PUDP: variants seen among roughly 807,000 people sequenced by gnomAD.
The protein encoded by PUDP is pseudouridine 5'-phosphatase, also known as pseudouridine-5'-phosphatase.
In PUDP, 8 loss-of-function variants were observed where a neutral mutation model predicts 9.4. The observed-to-expected ratio is 0.85, with a 90% CI of 0.50 to 1.53. The LOEUF (loss-of-function observed/expected upper bound fraction) is 1.53, where lower values mean the gene tolerates loss of function less well. Among genes scored for constraint, PUDP ranks in the 40% most tolerant of loss-of-function variants. The pLI is 0.00. For synonymous variants in PUDP, 99 were observed against 80.7 expected (o/e 1.23, Z -1.22); for missense variants, 188 against 189.7 (o/e 0.99, Z 0.05).
At chrX:6,813,891 C>T (rs1044572330) in intron 3 of PUDP, among the ~76,000 whole-genome samples, 12 of 111,807 alleles carry the variant, frequency 1.1e-4, no homozygotes, top group Non-Finnish European at 3.8e-5. Flanking sequence ...CAGCCCTATG[C>T]TAGACTTTGT....
In PUDP at chrX:6,819,554, T is replaced by C. The variant is rs183451387; in HGVS notation, c.*248-113088A>G. On this transcript the variant is annotated intron_variant and NMD_transcript_variant, in intron 3 of 3. Coordinates refer to the PUDP transcript ENST00000655425. ...TTGAAAGTTCCCCCTTTTATCTCCA[T>C]AGAATGGAGGAGGCGATGGAAGAAC... Among the ~76,000 whole-genome samples, 3 of 112,651 alleles carry C rather than the reference T, an allele frequency of 2.7e-5. No homozygotes were observed. In the East Asian group the frequency reaches 8.4e-4, roughly 31 times the overall value.
At chrX:6,965,625 A>G (rs756667229) in intron 3 of PUDP, among the ~76,000 whole-genome samples, 9 of 112,293 alleles carry the variant, frequency 8.0e-5, no homozygotes, top group African/African-American at 2.9e-4. Context: ...CATAGTATAC[A>G]CTCAATAAAC....
chrX:6,824,583 A>T (rs892433457), intron 3 of PUDP, among the ~76,000 whole-genome samples: 3 of 111,570 alleles, frequency 2.7e-5, no homozygotes, highest in African/African-American at 9.8e-5. Flanking sequence ...AACCTGGTTG[A>T]CCAACGTAAC....
At chrX:7,104,241 T>C (rs1213947022) in intron 2 of PUDP, among the ~76,000 whole-genome samples, 1 of 112,086 alleles carries the variant, frequency 8.9e-6, no homozygotes, top group African/African-American at 3.2e-5. Context: ...GAAAATCCTA[T>C]CACATGCTCT....
intron 1 of PUDP, among the ~76,000 whole-genome samples, chrX:7,001,197 G>A (rs767737557): frequency 3.0e-4 from 33 of 110,276 alleles, no homozygotes; most frequent in African/African-American, 1.0e-3. Flanking sequence ...TAGCTTTCAT[G>A]AAAGCCACAA....
At chrX:6,913,388 A>G (rs6638635) in intron 3 of PUDP, among the ~76,000 whole-genome samples, 31,652 of 110,893 alleles carry the variant, frequency 0.29, 3,502 homozygotes, top group Admixed American at 0.4. Flanking sequence ...CCCTAGAAAT[A>G]TTCATAAAGA....
intron 3 of PUDP, among the ~76,000 whole-genome samples, chrX:6,751,007 TG>T (rs1297067180): frequency 2.8e-4 from 30 of 108,737 alleles, no homozygotes; most frequent in African/African-American, 1.0e-3. Flanking sequence ...CCGGGTGTGG[TG>T]GTGGGCGCCT....
chrX:6,867,412 G>A (rs1367049175), intron 3 of PUDP, among the ~76,000 whole-genome samples: 1 of 111,801 alleles, frequency 8.9e-6, no homozygotes, highest in Non-Finnish European at 1.9e-5. Context: ...GATGGTGGTG[G>A]TAGTGGTGGT....
chrX:6,755,505 G>T (rs1055235261), intron 3 of PUDP, among the ~76,000 whole-genome samples: 7 of 111,881 alleles, frequency 6.3e-5, no homozygotes, highest in African/African-American at 1.9e-4. Flanking sequence ...ATAATAAAGT[G>T]ATTCCCGAAT....
At chrX:7,140,977 A>G (rs778983300) in intron 1 of PUDP, among the ~76,000 whole-genome samples, 1 of 111,563 alleles carries the variant, frequency 9.0e-6, no homozygotes, top group South Asian at 3.8e-4. Context: ...CCGCACCCAT[A>G]TAAGTCAGAG....
intron 2 of PUDP, among the ~76,000 whole-genome samples, chrX:7,083,511 T>C (rs1016075851): frequency 6.3e-5 from 7 of 111,387 alleles, no homozygotes; most frequent in African/African-American, 2.3e-4. Context: ...ACACAGGCAA[T>C]GTCAGCTACG....
intron 3 of PUDP, among the ~76,000 whole-genome samples, chrX:6,820,134 C>T (rs981730721): frequency 3.7e-5 from 4 of 109,210 alleles, no homozygotes; most frequent in South Asian, 8.0e-4. Context: ...GAAAATGAGA[C>T]GTAAGCAAAA....
chrX:7,089,412 C>T (rs1254312992), intron 2 of PUDP, among the ~76,000 whole-genome samples: 1 of 111,105 alleles, frequency 9.0e-6, no homozygotes, highest in Non-Finnish European at 1.9e-5. Context: ...GCCTGATCAC[C>T]GGAGATCTGA....
intron 3 of PUDP, among the ~76,000 whole-genome samples, chrX:6,822,388 C>T (rs1247547006): frequency 8.9e-6 from 1 of 112,685 alleles, no homozygotes; most frequent in Non-Finnish European, 1.9e-5. Flanking sequence ...GCCTGCCCCC[C>T]TCTTCATCAA....
upstream of PUDP, among the ~76,000 whole-genome samples, chrX:6,726,526 A>C (rs1476189327): frequency 8.9e-6 from 1 of 112,302 alleles, no homozygotes; most frequent in East Asian, 2.8e-4. Flanking sequence ...ATGTATCAAA[A>C]TATTCCTCTG....
intron 3 of PUDP, among the ~76,000 whole-genome samples, chrX:6,875,379 G>T (rs1569115005): frequency 8.9e-6 from 1 of 111,775 alleles, no homozygotes; most frequent in Non-Finnish European, 1.9e-5. Context: ...AAATTAAATG[G>T]GGCAATGATT....
At chrX:6,956,497 G>C (rs1432479861) in intron 3 of PUDP, among the ~76,000 whole-genome samples, 1 of 111,163 alleles carries the variant, frequency 9.0e-6, no homozygotes, top group Non-Finnish European at 1.9e-5. Flanking sequence ...AACTTTTGTG[G>C]GGAGGGGAAA....
intron 3 of PUDP, among the ~76,000 whole-genome samples, chrX:6,800,346 G>A (rs768554185): frequency 9.0e-6 from 1 of 111,562 alleles, no homozygotes; most frequent in African/African-American, 3.3e-5. Flanking sequence ...TTATCTAATA[G>A]AAGAAATCTC....
At chrX:7,067,866 G>A (rs1392490175) in intron 3 of PUDP, among the ~76,000 whole-genome samples, 1 of 111,492 alleles carries the variant, frequency 9.0e-6, no homozygotes, top group African/African-American at 3.3e-5. Flanking sequence ...TCTTTCTCAT[G>A]CTGTTCTCGT....
Sources: gnomAD v4.1 joint callset for allele counts (sites outside exome capture counted in the v4.1 genomes callset) on GRCh38, gnomAD v4.1.1 for gene constraint, MANE v1.5 for transcripts, NCBI Gene and HGNC (gene_info 2026-07-23, HGNC 2026-07-21) for gene names.